Variants in ZNF18 observed in about 807,000 individuals in gnomAD.
ZNF18 encodes the protein heart development-specific gene 1 protein.
ZNF18 carries 42 observed loss-of-function variants against 58.1 expected under a neutral mutation model. That is an observed-to-expected ratio of 0.72 (90% CI 0.56 to 0.93). The LOEUF (loss-of-function observed/expected upper bound fraction) is 0.93, where lower values mean the gene tolerates loss of function less well. Ranked by LOEUF, ZNF18 falls within the 40% of genes least tolerant of loss-of-function variation. The pLI, the probability that ZNF18 is intolerant of heterozygous loss-of-function variation, is 0.00. For synonymous variants in ZNF18, 231 were observed against 239.8 expected, an observed-to-expected ratio of 0.96 and a Z score of 0.34; for missense variants, 540 against 644.2, an observed-to-expected ratio of 0.84 and a Z score of 1.75.
chr17:12,008,057 G>A, the ZNF18 span, among the ~76,000 whole-genome samples: 5 of 152,158 alleles, frequency 3.3e-5, no homozygotes, highest in Admixed American at 1.3e-4. Flanking sequence ...AGAGTGCCTC[G>A]GGTTGCCCGT....
chr17:12,016,677 T>G, the ZNF18 span, among the ~76,000 whole-genome samples: 1 of 152,002 alleles, frequency 6.6e-6, no homozygotes, highest in South Asian at 2.1e-4. Flanking sequence ...ATACAGAGTA[T>G]GTGGACAGGT....
chr17:11,978,192 C>T lies in ZNF18; in HGVS notation c.1415G>A (p.Gly472Asp), dbSNP rs1300223792. Reference protein sequence around the residue: ...KPCKCDYCGKGFSDFSGLRHH... With the variant: ...KPCKCDYCGKDFSDFSGLRHH... ...GCGCAATCCTGAGAAGTCACTAAAGCCTTTCCCACAGTAATCACATTTACA... is the reference window on the plus strand; with the variant it reads ...GCGCAATCCTGAGAAGTCACTAAAGTCTTTCCCACAGTAATCACATTTACA... The change falls in exon 7 of 7, where the codon GGC becomes GAC. Residue 472 changes from glycine to aspartate, a missense_variant. Gly to Asp is a moderately conservative substitution (Grantham distance 94). Transcript: ENST00000580306. 6.2e-7 allele frequency: 1 copy of T among 1,614,084 alleles called. No homozygotes were observed. The highest frequency in any genetic ancestry group is 8.5e-7 in the Non-Finnish European group (1 of 1,180,018).
chr17:12,020,770 CG>C, the ZNF18 span: 1 of 426,176 alleles, frequency 2.3e-6, no homozygotes, highest in East Asian at 3.9e-5. Context: ...GAGGCGTGTC[CG>C]GGGCGTGTCG....
At chr17:12,008,150 G>A in the ZNF18 span, among the ~76,000 whole-genome samples, 1 of 152,132 alleles carries the variant, frequency 6.6e-6, no homozygotes, top group Non-Finnish European at 1.5e-5. Context: ...CCGGAATTAA[G>A]CAAGGAATGC....
the ZNF18 span, chr17:12,021,000 G>A: frequency 1.7e-6 from 2 of 1,209,706 alleles, no homozygotes; most frequent in Non-Finnish European, 2.1e-6. Flanking sequence ...GCAGCATGCA[G>A]GGTAAGGAAC....
At position 11,990,925 on chromosome 17, in the gene ZNF18, C is replaced by G. The variant is rs750647059; in HGVS notation, c.577+49G>C. 6 of 1,573,690 alleles carry G rather than the reference C, an allele frequency of 3.8e-6. No homozygotes were observed. In the East Asian group the frequency reaches 1.3e-4, roughly 35 times the overall value. ...TTTCAACTCACTTAGGCCTACTAAT[C>G]ACAATCCCAAAATCTCTCCAAGAGA... On this transcript the variant is annotated intron_variant, in intron 3 of 6. Coordinates refer to ENST00000580306, the MANE Select transcript of ZNF18 (RefSeq NM_001303281.2).
At chr17:11,985,928 A>T (rs1376116259) in intron 4 of ZNF18, among the ~76,000 whole-genome samples, 3 of 152,230 alleles carry the variant, frequency 2.0e-5, no homozygotes, top group Admixed American at 1.3e-4. Flanking sequence ...CTACAAAGTC[A>T]TCCTCCTACT....
chr17:11,984,159 T>C lies in ZNF18; in HGVS notation c.705A>G (p.Gln235=), dbSNP rs552590168. ...AGGTCTCCAGCATGAGATCCCAGTATTGCTCCTTTTGAGTGGAATCCAGTT... is the reference window on the plus strand; with the variant it reads ...AGGTCTCCAGCATGAGATCCCAGTACTGCTCCTTTTGAGTGGAATCCAGTT... ...WRQLDSTQKE[Q]YWDLMLETYG... is the part of the protein sequence containing the mutation. The change falls in exon 5 of 7, where the codon CAA becomes CAG. Residue 235 remains glutamine, a synonymous_variant. Transcript: ENST00000580306. The C allele has an allele frequency of 1.1e-5, 17 of 1,612,878 alleles. No homozygotes were observed. In the South Asian group the frequency reaches 1.5e-4, roughly 15 times the overall value.
In ZNF18 at chr17:11,992,901, TCAC is replaced by T. The variant is rs531055201; in HGVS notation, c.-75_-73del. On this transcript the variant is annotated 5_prime_UTR_variant, in exon 2 of 7. Transcript: ENST00000580306. Reference sequence around the variant, plus strand: ...ATTGTCTCCGGCAAGAACTAGGTCTTCACCAGGACACTAAAAAGGGAATGAGAT... The same window carrying T: ...ATTGTCTCCGGCAAGAACTAGGTCTTCAGGACACTAAAAAGGGAATGAGAT... 2.2e-4 allele frequency: 336 copies of T among 1,494,196 alleles called. 2 individuals carry two copies. In the South Asian group the frequency reaches 3.3e-3, roughly 15 times the overall value. The allele number at this position is 1,494,196 out of a possible 1,614,324, so 92.6% of individuals were successfully genotyped here.
intron 4 of ZNF18, among the ~76,000 whole-genome samples, chr17:11,985,186 C>T (rs1046196763): frequency 6.6e-6 from 1 of 152,172 alleles, no homozygotes; most frequent in Non-Finnish European, 1.5e-5. Flanking sequence ...AGAAGCCCTG[C>T]TTTTCCTATG....
chr17:11,982,657 AGTGTGTGTGT>A (rs143602913), intron 6 of ZNF18, among the ~76,000 whole-genome samples: 268 of 136,806 alleles, frequency 2.0e-3, no homozygotes, highest in South Asian at 3.9e-3. Flanking sequence ...TATATATAAA[AGTGTGTGTGT>A]GTGTGTGTGT....
Position 11,992,474 on chromosome 17 carries a change from A to C in ZNF18, c.356T>G (p.Leu119Trp). Residue 119 changes from leucine (L) to tryptophan (W), a missense_variant, in exon 2 of 7, where the codon TTG becomes TGG. Transcript: ENST00000580306. ...GEEAVTLVESLKGDPQRLWQW... is the reference protein window; with the variant it reads ...GEEAVTLVESWKGDPQRLWQW... ...CCACAGTCTCTGGGGGTCCCCCTTC[A>C]AGCTTTCCACAAGGGTCACTGCCTC... is the stretch of plus-strand genomic sequence containing the variant. 3.1e-6 allele frequency: 5 copies of C among 1,614,116 alleles called. No homozygotes were observed. Among genetic ancestry groups the C allele is most frequent in the Non-Finnish European group, 4.2e-6 (5 of 1,180,002 alleles).
At chr17:11,982,657 A>AGTGTGTGTGTGTGTGTGTGTGTGTGT (rs143602913) in intron 6 of ZNF18, among the ~76,000 whole-genome samples, 1 of 136,720 alleles carries the variant, frequency 7.3e-6, no homozygotes, top group African/African-American at 2.7e-5. Context: ...TATATATAAA[A>AGTGTGTGTGTGTGTGTGTGTGTGTGT]GTGTGTGTGT....
chr17:11,983,460 C>T, intron 5 of ZNF18, 53 bp from the exon 6 acceptor site: 7 of 1,438,328 alleles, frequency 4.9e-6, no homozygotes, highest in Non-Finnish European at 6.9e-6. Flanking sequence ...AGACTGGGAG[C>T]TCAAGCTGTG....
chr17:11,978,844 T>C lies in ZNF18; in HGVS notation c.863-100A>G, dbSNP rs1597943161. 1.4e-5 allele frequency: 9 copies of C among 646,662 alleles called. No individual in the cohort carries two copies. The East Asian group carries it at 2.6e-4, about 19-fold the overall frequency. The allele number at this position is 646,662 out of a possible 1,614,324, so 40.1% of individuals were successfully genotyped here. A position where few individuals can be genotyped will look rare whatever the true frequency, so the allele number is the denominator to read the frequency against. ...TCATCATAAAACATTCATTTTCTTTTTTTTTTTTTTTTTTTTTTTTTTAGG... is the reference window on the plus strand; with the variant it reads ...TCATCATAAAACATTCATTTTCTTTCTTTTTTTTTTTTTTTTTTTTTTAGG... On this transcript the variant is annotated intron_variant, in intron 6 of 6. Transcript: ENST00000580306.
intron 4 of ZNF18, among the ~76,000 whole-genome samples, chr17:11,987,204 G>A (rs974009747): frequency 2.6e-5 from 4 of 152,148 alleles, no homozygotes; most frequent in African/African-American, 7.2e-5. Context: ...TTAGTTACAC[G>A]CTGTTCCTTT....
the ZNF18 span, among the ~76,000 whole-genome samples, chr17:12,015,457 G>C: frequency 6.6e-6 from 1 of 152,160 alleles, no homozygotes; most frequent in African/African-American, 2.4e-5. Context: ...ACAGTACTTG[G>C]TTTGTTATTT....
In ZNF18 at chr17:11,978,484, G is replaced by A. The variant is rs757950387; in HGVS notation, c.1123C>T (p.Pro375Ser). 2.4e-5 allele frequency: 39 copies of A among 1,601,108 alleles called. 1 individual carries two copies. The South Asian group carries it at 4.4e-4, about 18-fold the overall frequency. ...ISEKQLGQHL[P>S]NPHSGEMSTM... ...GACATTTCTCCTGAATGAGGATTAG[G>A]CAAATGCTGACCTAGTTGTTTCTCA... Residue 375 changes from proline to serine, a missense_variant, in exon 7 of 7, where the codon CCT (proline) becomes TCT (serine). Pro to Ser is a moderately conservative substitution (Grantham distance 74). Transcript: ENST00000580306.
intron 1 of ZNF18, among the ~76,000 whole-genome samples, chr17:11,993,246 C>A (rs1968249434): frequency 6.6e-6 from 1 of 152,150 alleles, no homozygotes; most frequent in African/African-American, 2.4e-5. Flanking sequence ...AACACTTCTA[C>A]ATCTTCATCT....
Sources: gnomAD v4.1 joint callset for allele counts (sites outside exome capture counted in the v4.1 genomes callset) on GRCh38, gnomAD v4.1.1 for gene constraint, MANE v1.5 for transcripts, NCBI Gene and HGNC (gene_info 2026-07-23, HGNC 2026-07-21) for gene names.